The following KALRN variants were observed in gnomAD, a reference collection of about 807,000 sequenced individuals.
KALRN encodes the protein kalirin.
Under a neutral mutation model 353.7 loss-of-function variants are expected in KALRN, and 70 were observed. That is an observed-to-expected ratio of 0.20 (90% CI 0.16 to 0.24). The LOEUF (loss-of-function observed/expected upper bound fraction) is 0.24. KALRN is among the 10% of genes least tolerant of loss of function. The pLI is 1.00. For missense variants in KALRN, 2,791 were observed against 3,756.7 expected (o/e 0.74, Z 6.72); for synonymous variants, 1,391 against 1,434.8 (o/e 0.97, Z 0.69).
chr3:124,472,856 A>G (rs1251668940), intron 25 of KALRN, among the ~76,000 whole-genome samples: 1 of 152,156 alleles, frequency 6.6e-6, no homozygotes, highest in Non-Finnish European at 1.5e-5. Context: ...TGCATTTCTG[A>G]AGCCCAAATA....
At chr3:124,426,858 T>C (rs1191263992) in intron 15 of KALRN, among the ~76,000 whole-genome samples, 1 of 152,186 alleles carries the variant, frequency 6.6e-6, no homozygotes. Flanking sequence ...ACCTACCTAA[T>C]GAGCATAAAA....
At position 124,496,014 on chromosome 3, in the gene KALRN, C is replaced by CATATATATATAT. The variant is rs1433558735; in HGVS notation, c.4833-296_4833-295insTATATATATATA. On this transcript the variant is annotated intron_variant, in intron 32 of 59. Transcript: ENST00000682506. ...ATATATATATATATATATATATATA[C>CATATATATATAT]ACACACATATATACATACATACACC... is the stretch of plus-strand genomic sequence containing the variant. Among the ~76,000 whole-genome samples, 2 of 27,434 alleles carry CATATATATATAT rather than the reference C, an allele frequency of 7.3e-5. 1 individual carries two copies. Among genetic ancestry groups the CATATATATATAT allele is most frequent in the Admixed American group, 1.1e-3 (2 of 1,836 alleles). 18.0% of individuals were successfully genotyped at this position (27,434 alleles called of 152,430 possible). A position where few individuals can be genotyped will look rare whatever the true frequency, so the allele number is the denominator to read the frequency against.
chr3:124,309,252 TAA>T (rs71145445), intron 6 of KALRN, among the ~76,000 whole-genome samples: 1 of 146,852 alleles, frequency 6.8e-6, no homozygotes, highest in Non-Finnish European at 1.5e-5. Context: ...AAGCTTATAT[TAA>T]AAAAAAAAAG....
intron 2 of KALRN, among the ~76,000 whole-genome samples, chr3:124,230,028 G>A (rs2078976922): frequency 6.6e-6 from 1 of 152,186 alleles, no homozygotes; most frequent in Non-Finnish European, 1.5e-5. Flanking sequence ...CTTGGATTCT[G>A]ATTTCTTGCT....
intron 1 of KALRN, among the ~76,000 whole-genome samples, chr3:124,159,435 C>T (rs1017105523): frequency 2.0e-5 from 3 of 151,994 alleles, no homozygotes; most frequent in African/African-American, 7.3e-5. Context: ...CACGCCTGAC[C>T]CATTTTTTGT....
At chr3:124,142,372 T>C (rs1030133133) in intron 1 of KALRN, among the ~76,000 whole-genome samples, 1 of 152,222 alleles carries the variant, frequency 6.6e-6, no homozygotes, top group Non-Finnish European at 1.5e-5. Context: ...GGGCTGTCTC[T>C]ATCCCCACAG....
chr3:124,639,241 C>T (rs970689397), intron 37 of KALRN, among the ~76,000 whole-genome samples: 1 of 70,712 alleles, frequency 1.4e-5, no homozygotes, highest in African/African-American at 1.8e-4. Context: ...CTACTCAGAT[C>T]TCCTCCTCTA....
intron 58 of KALRN, among the ~76,000 whole-genome samples, chr3:124,714,714 A>G (rs1321108614): frequency 1.3e-5 from 2 of 152,180 alleles, no homozygotes; most frequent in Admixed American, 6.5e-5. Context: ...AGGCAGAGGT[A>G]TAGTTTATAG....
intron 11 of KALRN, among the ~76,000 whole-genome samples, chr3:124,393,451 G>A (rs954847451): frequency 2.0e-5 from 3 of 152,152 alleles, no homozygotes; most frequent in Non-Finnish European, 2.9e-5. Context: ...TTTGAAATTA[G>A]CATATTCACA....
chr3:124,629,024 C>T (rs1323035881), intron 34 of KALRN, among the ~76,000 whole-genome samples: 4 of 152,114 alleles, frequency 2.6e-5, no homozygotes, highest in Non-Finnish European at 5.9e-5. Context: ...ACTCAGTCTT[C>T]GAGTAGGTAT....
At chr3:124,659,523 C>G in intron 43 of KALRN, 66 bp downstream of exon 43, 1 of 1,095,554 alleles carries the variant, frequency 9.1e-7, no homozygotes, top group South Asian at 1.2e-5. Flanking sequence ...AGGTTCTGAG[C>G]TAGGGGTAGA....
intron 11 of KALRN, among the ~76,000 whole-genome samples, chr3:124,393,090 TG>T (rs2089693231): frequency 6.6e-6 from 1 of 152,098 alleles, no homozygotes; most frequent in South Asian, 2.1e-4. Flanking sequence ...CTCAGCTTCC[TG>T]AATAGCTGGG....
At chr3:124,556,542 T>C (rs555544127) in intron 33 of KALRN, among the ~76,000 whole-genome samples, 80 of 152,362 alleles carry the variant, frequency 5.3e-4, no homozygotes, top group Admixed American at 2.0e-3. Flanking sequence ...GAAGCAGCTA[T>C]ACTAAAGCAT....
chr3:124,095,181 A>G (rs1158069129), intron 1 of KALRN, among the ~76,000 whole-genome samples: 1 of 152,184 alleles, frequency 6.6e-6, no homozygotes, highest in Non-Finnish European at 1.5e-5. Context: ...CATCAAGCTC[A>G]GTACTCTAGT....
At chr3:124,208,674 C>T (rs548369350) in intron 1 of KALRN, among the ~76,000 whole-genome samples, 1 of 152,128 alleles carries the variant, frequency 6.6e-6, no homozygotes, top group Non-Finnish European at 1.5e-5. Context: ...TCATATAGAA[C>T]CAAGAGCCAG....
chr3:124,052,601 G>C (rs2041146518), intron 1 of KALRN, among the ~76,000 whole-genome samples: 1 of 151,960 alleles, frequency 6.6e-6, no homozygotes, highest in African/African-American at 2.4e-5. Context: ...GGAGAAATAG[G>C]GTAAATTGCC....
At chr3:124,690,936 TTCA>T (rs1204738827) in intron 51 of KALRN, among the ~76,000 whole-genome samples, 3 of 152,202 alleles carry the variant, frequency 2.0e-5, no homozygotes, top group Non-Finnish European at 2.9e-5. Flanking sequence ...TAATTACTGG[TTCA>T]TAAGTTCTTG....
intron 57 of KALRN, among the ~76,000 whole-genome samples, chr3:124,706,671 G>T (rs2062631403): frequency 6.6e-6 from 1 of 151,792 alleles, no homozygotes; most frequent in South Asian, 2.1e-4. Context: ...CCAGGTTCAA[G>T]CGATTCTCCT....
intron 33 of KALRN, among the ~76,000 whole-genome samples, chr3:124,532,345 A>G (rs566426278): frequency 6.6e-6 from 1 of 152,386 alleles, no homozygotes; most frequent in East Asian, 1.9e-4. Context: ...GCAAATTCCA[A>G]TGTAAACCAC....
Sources: allele counts gnomAD v4.1 joint callset (sites outside exome capture counted in the v4.1 genomes callset), GRCh38; gene constraint gnomAD v4.1.1; transcripts MANE v1.5; gene names NCBI Gene and HGNC (gene_info 2026-07-23, HGNC 2026-07-21).